Variants in FTO observed in about 807,000 individuals in gnomAD.
The protein encoded by FTO is FTO alpha-ketoglutarate dependent dioxygenase.
In FTO, 47 loss-of-function variants were observed where a neutral mutation model predicts 63.9. The observed-to-expected ratio is 0.74, with a 90% CI of 0.58 to 0.94. The LOEUF (loss-of-function observed/expected upper bound fraction) is 0.94, where lower values mean the gene tolerates loss of function less well. Ranked by LOEUF, FTO falls within the 40% of genes least tolerant of loss-of-function variation. FTO has a pLI of 0.00. For synonymous variants in FTO, 207 were observed against 224.4 expected (o/e 0.92, Z 0.69); for missense variants, 562 against 618.1 (o/e 0.91, Z 0.96).
chr16:54,092,393 T>C (rs1455485193), intron 8 of FTO, among the ~76,000 whole-genome samples: 3 of 152,334 alleles, frequency 2.0e-5, no homozygotes, highest in African/African-American at 7.2e-5. Flanking sequence ...ACAAATGGGT[T>C]GAGCAGTCTA....
intron 1 of FTO, among the ~76,000 whole-genome samples, chr16:53,753,208 G>T (rs568455357): frequency 1.4e-5 from 2 of 147,388 alleles, no homozygotes; most frequent in Non-Finnish European, 3.0e-5. Flanking sequence ...AGCCGTGATC[G>T]CATCACTGCA....
intron 8 of FTO, among the ~76,000 whole-genome samples, chr16:54,079,709 T>C (rs2086092957): frequency 6.6e-6 from 1 of 152,116 alleles, no homozygotes; most frequent in South Asian, 2.1e-4. Flanking sequence ...AGAGAGAGCC[T>C]GGACGAGTTT....
chr16:54,064,505 A>G (rs1220475710), intron 8 of FTO, among the ~76,000 whole-genome samples: 1 of 152,176 alleles, frequency 6.6e-6, no homozygotes, highest in Non-Finnish European at 1.5e-5. Flanking sequence ...AGAATGGTAA[A>G]TGTTCCTGTG....
intron 1 of FTO, among the ~76,000 whole-genome samples, chr16:53,794,117 G>T (rs1202373316): frequency 6.6e-6 from 1 of 152,186 alleles, no homozygotes; most frequent in Non-Finnish European, 1.5e-5. Flanking sequence ...TTTGTTGATG[G>T]ACATGTACCA....
intron 8 of FTO, among the ~76,000 whole-genome samples, chr16:54,030,592 T>C (rs1450855565): frequency 6.6e-6 from 1 of 152,126 alleles, no homozygotes; most frequent in African/African-American, 2.4e-5. Flanking sequence ...TGATATGCAA[T>C]GTAGACTACA....
At chr16:53,722,173 G>A (rs1439245442) in intron 1 of FTO, among the ~76,000 whole-genome samples, 6 of 152,170 alleles carry the variant, frequency 3.9e-5, no homozygotes, top group Non-Finnish European at 5.9e-5. Flanking sequence ...TGATACTAAC[G>A]GTAAGTTTGT....
At chr16:53,918,605 T>C (rs2081938388) in intron 7 of FTO, among the ~76,000 whole-genome samples, 1 of 152,172 alleles carries the variant, frequency 6.6e-6, no homozygotes, top group African/African-American at 2.4e-5. Flanking sequence ...ATTTTATAAA[T>C]CAAAATCAAC....
intron 8 of FTO, among the ~76,000 whole-genome samples, chr16:54,059,111 A>C (rs115430710): frequency 6.6e-6 from 1 of 152,194 alleles, no homozygotes; most frequent in Non-Finnish European, 1.5e-5. Flanking sequence ...GTTTACACAC[A>C]TTTGCTCAAT....
intron 7 of FTO, among the ~76,000 whole-genome samples, chr16:53,921,384 A>G (rs1466943129): frequency 6.6e-6 from 1 of 152,212 alleles, no homozygotes; most frequent in Non-Finnish European, 1.5e-5. Context: ...CACTTGTCCA[A>G]GGATCGGAAA....
At chr16:53,870,054 T>C (rs2080451358) in intron 4 of FTO, among the ~76,000 whole-genome samples, 1 of 152,150 alleles carries the variant, frequency 6.6e-6, no homozygotes, top group Non-Finnish European at 1.5e-5. Context: ...AGTTTATGCC[T>C]GTGAATTGTG....
intron 7 of FTO, among the ~76,000 whole-genome samples, chr16:53,919,537 C>T (rs1343577072): frequency 6.6e-6 from 1 of 152,168 alleles, no homozygotes; most frequent in Non-Finnish European, 1.5e-5. Context: ...ATGTTTATAG[C>T]AGCACAATTT....
intron 4 of FTO, among the ~76,000 whole-genome samples, chr16:53,870,944 A>G (rs1051592970): frequency 1.3e-5 from 2 of 152,292 alleles, no homozygotes; most frequent in South Asian, 4.1e-4. Flanking sequence ...TATGTATAGA[A>G]TAGTAGATTG....
At chr16:53,706,664 A>T (rs1002635159) in intron 1 of FTO, among the ~76,000 whole-genome samples, 16 of 152,114 alleles carry the variant, frequency 1.1e-4, no homozygotes, top group African/African-American at 3.9e-4. Context: ...TACCCAAAGT[A>T]CTGGGATTAT....
intron 1 of FTO, among the ~76,000 whole-genome samples, chr16:53,757,688 G>A (rs1183512641): frequency 1.3e-5 from 2 of 152,068 alleles, no homozygotes; most frequent in Non-Finnish European, 2.9e-5. Flanking sequence ...CCTCTAAAGC[G>A]TTATGATTTA....
chr16:53,762,965 A>C (rs1012896485), intron 1 of FTO, among the ~76,000 whole-genome samples: 3 of 102,156 alleles, frequency 2.9e-5, no homozygotes, highest in Non-Finnish European at 6.5e-5. Flanking sequence ...TGAAGAGTAA[A>C]GAACTGAATA....
intron 1 of FTO, among the ~76,000 whole-genome samples, chr16:53,779,966 G>T (rs2077548117): frequency 6.6e-6 from 1 of 152,124 alleles, no homozygotes; most frequent in Non-Finnish European, 1.5e-5. Flanking sequence ...CACCCTCAAT[G>T]TGGCCTCCCT....
At chr16:53,735,307 A>G (rs1387381980) in intron 1 of FTO, among the ~76,000 whole-genome samples, 3 of 152,222 alleles carry the variant, frequency 2.0e-5, no homozygotes, top group Admixed American at 6.5e-5. Context: ...GACACAGGAG[A>G]TACTGCAGTG....
At chr16:53,900,852 G>A (rs552447938) in intron 7 of FTO, among the ~76,000 whole-genome samples, 1 of 152,042 alleles carries the variant, frequency 6.6e-6, no homozygotes, top group Non-Finnish European at 1.5e-5. Flanking sequence ...AGACCTGCTC[G>A]CAAACTTGAT....
intron 8 of FTO, among the ~76,000 whole-genome samples, chr16:53,940,433 G>A (rs190174479): frequency 2.0e-4 from 30 of 152,266 alleles, no homozygotes; most frequent in African/African-American, 5.8e-4. Context: ...ACGTTTCCCC[G>A]TTACCATGGT....
Sources: allele counts gnomAD v4.1 joint callset (sites outside exome capture counted in the v4.1 genomes callset), GRCh38; gene constraint gnomAD v4.1.1; transcripts MANE v1.5; gene names NCBI Gene and HGNC (gene_info 2026-07-23, HGNC 2026-07-21).